LAMA2: variants seen among roughly 807,000 people sequenced by gnomAD.
The protein encoded by LAMA2 is laminin subunit alpha 2.
LAMA2 carries 269 observed loss-of-function variants against 364.8 expected under a neutral mutation model. That is an observed-to-expected ratio of 0.74 (90% CI 0.67 to 0.82). LAMA2 has a LOEUF of 0.82. Ranked by LOEUF, LAMA2 falls within the 40% of genes least tolerant of loss-of-function variation. LAMA2 has a pLI of 0.00. For synonymous variants in LAMA2, 1,379 were observed against 1,370.6 expected (o/e 1.01, Z -0.14); for missense variants, 3,807 against 3,873.2 (o/e 0.98, Z 0.45).
intron 51 of LAMA2, among the ~76,000 whole-genome samples, chr6:129,471,912 C>A (rs1783830770): frequency 6.6e-6 from 1 of 151,788 alleles, no homozygotes; most frequent in South Asian, 2.1e-4. Flanking sequence ...GAAGACACAT[C>A]TTTTTGAAAT....
chr6:129,258,222 G>A (rs143167671), intron 14 of LAMA2, among the ~76,000 whole-genome samples: 10 of 152,112 alleles, frequency 6.6e-5, no homozygotes, highest in Non-Finnish European at 1.3e-4. Context: ...GTGTTAAGGA[G>A]ACTTATCAGG....
At chr6:129,112,846 A>G (rs538927090) in intron 4 of LAMA2, among the ~76,000 whole-genome samples, 2 of 152,010 alleles carry the variant, frequency 1.3e-5, no homozygotes, top group East Asian at 3.9e-4. Context: ...GACTCACCAT[A>G]ATTATTTCAC....
chr6:129,266,977 T>C (rs1787562907), intron 15 of LAMA2, 129 bp from the exon 16 acceptor site: 3 of 757,436 alleles, frequency 4.0e-6, no homozygotes, highest in Non-Finnish European at 7.3e-6. Context: ...ATAATGGCAA[T>C]GCTTTGACAA....
At chr6:129,043,015 C>G (rs1054811913) in intron 1 of LAMA2, among the ~76,000 whole-genome samples, 10 of 152,146 alleles carry the variant, frequency 6.6e-5, no homozygotes, top group Non-Finnish European at 1.2e-4. Flanking sequence ...TGTCATTTAT[C>G]TTGGATATGT....
chr6:129,127,895 GAT>G (rs1304945683), intron 4 of LAMA2, among the ~76,000 whole-genome samples: 1 of 151,534 alleles, frequency 6.6e-6, no homozygotes, highest in Non-Finnish European at 1.5e-5. Flanking sequence ...TATATTTGTG[GAT>G]ATTAACTTTT....
intron 22 of LAMA2, among the ~76,000 whole-genome samples, chr6:129,304,153 G>A (rs1773718737): frequency 6.6e-6 from 1 of 152,174 alleles, no homozygotes; most frequent in African/African-American, 2.4e-5. Context: ...TAATAATATG[G>A]TAGTAATAGG....
intron 1 of LAMA2, among the ~76,000 whole-genome samples, chr6:129,041,696 A>G (rs1787109421): frequency 6.6e-6 from 1 of 152,162 alleles, no homozygotes; most frequent in Non-Finnish European, 1.5e-5. Flanking sequence ...AACACTATGT[A>G]CTCGAAATCT....
At chr6:129,086,438 C>A (rs1774392251) in intron 3 of LAMA2, among the ~76,000 whole-genome samples, 1 of 152,082 alleles carries the variant, frequency 6.6e-6, no homozygotes, top group South Asian at 2.1e-4. Flanking sequence ...AAAATAAAGG[C>A]AAACTTGCTT....
At chr6:129,370,691 T>C (rs993184825) in intron 34 of LAMA2, among the ~76,000 whole-genome samples, 3 of 152,212 alleles carry the variant, frequency 2.0e-5, no homozygotes, top group Admixed American at 1.3e-4. Flanking sequence ...ATAAAGAGTA[T>C]TGGAGCTAGA....
At chr6:129,465,888 T>A (rs534358351) in intron 51 of LAMA2, among the ~76,000 whole-genome samples, 1 of 152,052 alleles carries the variant, frequency 6.6e-6, no homozygotes, top group Non-Finnish European at 1.5e-5. Flanking sequence ...ATATAAAAGA[T>A]CTCACAACCA....
At chr6:129,313,974 G>C (rs940272038) in intron 23 of LAMA2, among the ~76,000 whole-genome samples, 9 of 152,234 alleles carry the variant, frequency 5.9e-5, no homozygotes, top group East Asian at 3.9e-4. Flanking sequence ...ATTTTAACCT[G>C]CTGCCTATTT....
At chr6:129,017,259 A>C (rs1255603557) in intron 1 of LAMA2, among the ~76,000 whole-genome samples, 2 of 151,996 alleles carry the variant, frequency 1.3e-5, no homozygotes, top group Admixed American at 6.6e-5. Context: ...TCAGCAATTC[A>C]ATTTCCACAT....
chr6:129,230,551 G>A (rs1330324289), intron 12 of LAMA2, among the ~76,000 whole-genome samples: 1 of 152,020 alleles, frequency 6.6e-6, no homozygotes. Context: ...AAATAATTGA[G>A]TATGAGAACA....
intron 48 of LAMA2, among the ~76,000 whole-genome samples, chr6:129,456,719 G>GT (rs1329549964): frequency 1.3e-5 from 2 of 152,118 alleles, no homozygotes; most frequent in Non-Finnish European, 2.9e-5. Context: ...AACAGCTGTT[G>GT]TTTTGTCTTT....
chr6:129,148,130 G>T (rs564591401), intron 6 of LAMA2, among the ~76,000 whole-genome samples: 17 of 151,908 alleles, frequency 1.1e-4, no homozygotes, highest in Non-Finnish European at 2.1e-4. Context: ...TTATTTGGAG[G>T]AAGTGAAAAA....
At chr6:129,289,158 G>A (rs1475524469) in intron 19 of LAMA2, among the ~76,000 whole-genome samples, 1 of 152,218 alleles carries the variant, frequency 6.6e-6, no homozygotes, top group African/African-American at 2.4e-5. Context: ...ACTGGCAGCT[G>A]TTAATATAAC....
At chr6:129,224,410 C>A (rs1562350726) in intron 12 of LAMA2, among the ~76,000 whole-genome samples, 1 of 152,160 alleles carries the variant, frequency 6.6e-6, no homozygotes, top group Non-Finnish European at 1.5e-5. Context: ...GAGAGGGCAT[C>A]CCTGTCTTGT....
chr6:129,229,259 C>T (rs1422540309), intron 12 of LAMA2, among the ~76,000 whole-genome samples: 4 of 152,058 alleles, frequency 2.6e-5, no homozygotes, highest in Non-Finnish European at 5.9e-5. Context: ...GTTGAATAGA[C>T]TTTAATTTTA....
intron 4 of LAMA2, among the ~76,000 whole-genome samples, chr6:129,122,587 A>G (rs967838259): frequency 2.6e-5 from 4 of 152,208 alleles, no homozygotes; most frequent in Non-Finnish European, 4.4e-5. Flanking sequence ...AAGGGTTTTT[A>G]CATGAACGTT....
Sources: gnomAD v4.1 joint callset for allele counts (sites outside exome capture counted in the v4.1 genomes callset) on GRCh38, gnomAD v4.1.1 for gene constraint, MANE v1.5 for transcripts, NCBI Gene and HGNC (gene_info 2026-07-23, HGNC 2026-07-21) for gene names.